The following PPFIA2 variants were observed in gnomAD, a reference collection of about 807,000 sequenced individuals.
PPFIA2 encodes liprin-alpha-2.
Under a neutral mutation model 175.5 loss-of-function variants are expected in PPFIA2, and 46 were observed. The observed-to-expected ratio is 0.26, with a 90% CI of 0.21 to 0.34. The LOEUF (loss-of-function observed/expected upper bound fraction) is 0.34, where lower values mean the gene tolerates loss of function less well. PPFIA2 is among the 10% of genes least tolerant of loss of function. PPFIA2 has a pLI of 1.00. For synonymous variants in PPFIA2, 568 were observed against 511.4 expected (o/e 1.11, Z -1.49); for missense variants, 1,179 against 1,506.1 (o/e 0.78, Z 3.60).
intron 4 of PPFIA2, chr12:81,512,461 A>T: frequency 7.8e-6 from 5 of 639,906 alleles, no homozygotes; most frequent in Non-Finnish European, 1.1e-5. Flanking sequence ...CTTCCTTTAA[A>T]GTTAACTCAT....
intron 4 of PPFIA2, among the ~76,000 whole-genome samples, chr12:81,551,731 T>A (rs2067959860): frequency 6.6e-6 from 1 of 151,954 alleles, no homozygotes; most frequent in Non-Finnish European, 1.5e-5. Flanking sequence ...AAACTGTTAT[T>A]TTAGAAGTGA....
At chr12:81,456,570 T>A (rs1343443469) in intron 5 of PPFIA2, among the ~76,000 whole-genome samples, 1 of 152,198 alleles carries the variant, frequency 6.6e-6, no homozygotes, top group Non-Finnish European at 1.5e-5. Context: ...CTATACCTAT[T>A]TTTTTCAGGA....
At chr12:81,587,985 T>C in intron 4 of PPFIA2, among the ~76,000 whole-genome samples, 1 of 151,964 alleles carries the variant, frequency 6.6e-6, no homozygotes, top group East Asian at 1.9e-4. Context: ...ATGCTAGGTG[T>C]CAATAAAAAT....
chr12:81,294,252 C>T (rs1348125603), intron 24 of PPFIA2, among the ~76,000 whole-genome samples: 1 of 151,956 alleles, frequency 6.6e-6, no homozygotes, highest in Non-Finnish European at 1.5e-5. Context: ...CATAATATAC[C>T]CATGTAACGA....
chr12:81,546,986 G>T (rs1436166898), intron 4 of PPFIA2, among the ~76,000 whole-genome samples: 1 of 151,998 alleles, frequency 6.6e-6, no homozygotes, highest in Non-Finnish European at 1.5e-5. Flanking sequence ...TCCTAATCAT[G>T]CCCTAAGCCT....
Position 81,376,791 on chromosome 12 carries a change from G to C in PPFIA2, c.985-849C>G, listed in dbSNP as rs187789652. ...GAATGTGGGAAGCTTCTTTGTATAA[G>C]GATCCTGGAATTGAGGAAATGGCTA... On this transcript the variant is annotated intron_variant, in intron 9 of 32. Transcript: ENST00000549396. Among the ~76,000 whole-genome samples the C allele has an allele frequency of 2.5e-3, 379 of 152,140 alleles. 1 individual carries two copies. Among genetic ancestry groups the C allele is most frequent in the African/African-American group, 8.8e-3 (367 of 41,510 alleles).
intron 19 of PPFIA2, among the ~76,000 whole-genome samples, chr12:81,343,565 T>G (rs954444358): frequency 6.6e-6 from 1 of 151,898 alleles, no homozygotes; most frequent in Non-Finnish European, 1.5e-5. Context: ...GTTCCAGGAG[T>G]GTTCCAATGT....
intron 4 of PPFIA2, among the ~76,000 whole-genome samples, chr12:81,561,594 T>C (rs891138175): frequency 3.3e-5 from 5 of 152,214 alleles, no homozygotes; most frequent in Non-Finnish European, 7.3e-5. Context: ...ATCTTCCTAT[T>C]ACTTCCCCTC....
chr12:81,536,551 A>G (rs1169787669), intron 4 of PPFIA2, among the ~76,000 whole-genome samples: 1 of 151,010 alleles, frequency 6.6e-6, no homozygotes, highest in African/African-American at 2.4e-5. Context: ...TTTAAATTTT[A>G]TATTGAAAAA....
In PPFIA2 at chr12:81,259,572, C is replaced by T; in HGVS notation, c.*122G>A. 1 of 1,454,496 alleles carries T rather than the reference C, an allele frequency of 6.9e-7. No homozygotes were observed. The highest frequency in any genetic ancestry group is 9.3e-7 in the Non-Finnish European group (1 of 1,074,956). 90.1% of individuals were successfully genotyped at this position (1,454,496 alleles called of 1,614,324 possible). On this transcript the variant is annotated 3_prime_UTR_variant, in exon 33 of 33. Coordinates refer to ENST00000549396, the MANE Select transcript of PPFIA2 (RefSeq NM_003625.5). ...TTAATAAGTCATGACGTCATTATTT[C>T]CTTAGAATTCAGTTTTCACAAAGGT...
chr12:81,380,059 C>T (rs1031590372), intron 9 of PPFIA2, among the ~76,000 whole-genome samples: 4 of 152,018 alleles, frequency 2.6e-5, no homozygotes, highest in Admixed American at 6.6e-5. Flanking sequence ...TCAAGAAAAA[C>T]GAGCTTATTT....
At chr12:81,612,031 A>T (rs1445993719) in intron 4 of PPFIA2, among the ~76,000 whole-genome samples, 1 of 151,994 alleles carries the variant, frequency 6.6e-6, no homozygotes, top group Non-Finnish European at 1.5e-5. Flanking sequence ...ATTCAGCCTC[A>T]GTTTCAGAGT....
intron 4 of PPFIA2, among the ~76,000 whole-genome samples, chr12:81,578,412 T>C (rs1245424250): frequency 6.6e-6 from 1 of 151,758 alleles, no homozygotes; most frequent in African/African-American, 2.4e-5. Flanking sequence ...GAATATCTTG[T>C]CTTTCATAAA....
chr12:81,291,054 G>A (rs1049313897), intron 24 of PPFIA2, among the ~76,000 whole-genome samples: 10 of 151,678 alleles, frequency 6.6e-5, no homozygotes, highest in African/African-American at 2.4e-4. Flanking sequence ...AATATATTAT[G>A]TGAAATAATC....
chr12:81,642,837 T>TATATTATA, intron 4 of PPFIA2, among the ~76,000 whole-genome samples: 1 of 134,384 alleles, frequency 7.4e-6, no homozygotes, highest in African/African-American at 2.8e-5. Flanking sequence ...TATGTATGTA[T>TATATTATA]TACATACATA....
intron 4 of PPFIA2, among the ~76,000 whole-genome samples, chr12:81,640,574 TTCTA>T (rs1184268519): frequency 2.0e-5 from 3 of 152,140 alleles, no homozygotes; most frequent in Non-Finnish European, 2.9e-5. Context: ...TATCTATGAC[TTCTA>T]TCTAAAACTC....
chr12:81,520,315 G>T (rs2062964909), intron 4 of PPFIA2, among the ~76,000 whole-genome samples: 1 of 152,156 alleles, frequency 6.6e-6, no homozygotes, highest in Admixed American at 6.5e-5. Flanking sequence ...GAACGAAGCA[G>T]GTTGGCATGA....
At chr12:81,387,807 G>C (rs1382689669) in intron 8 of PPFIA2, among the ~76,000 whole-genome samples, 1 of 152,096 alleles carries the variant, frequency 6.6e-6, no homozygotes, top group African/African-American at 2.4e-5. Flanking sequence ...CTTGGGTGCT[G>C]CCTAATGATT....
intron 4 of PPFIA2, among the ~76,000 whole-genome samples, chr12:81,650,095 C>T (rs1423000009): frequency 2.0e-5 from 3 of 151,814 alleles, no homozygotes; most frequent in South Asian, 2.1e-4. Context: ...CTGCAAGCTC[C>T]GCCTTCCAGA....
Sources: allele counts gnomAD v4.1 joint callset (sites outside exome capture counted in the v4.1 genomes callset), GRCh38; gene constraint gnomAD v4.1.1; transcripts MANE v1.5; gene names NCBI Gene and HGNC (gene_info 2026-07-23, HGNC 2026-07-21).